SBNO1: variants seen among roughly 807,000 people sequenced by gnomAD.
SBNO1 encodes the protein protein strawberry notch homolog 1.
A neutral mutation model predicts 173.6 loss-of-function variants in SBNO1; 23 were observed. The ratio of observed to expected loss-of-function variants is 0.13; its 90% CI spans 0.10 to 0.19. SBNO1 has a LOEUF of 0.19. Ranked by LOEUF, SBNO1 falls within the 10% of genes least tolerant of loss-of-function variation. The pLI is 1.00. For synonymous variants in SBNO1, 632 were observed against 571.5 expected (o/e 1.11, Z -1.51); for missense variants, 1,238 against 1,671.2 (o/e 0.74, Z 4.52).
At chr12:123,319,187 G>A (rs1264434519) in intron 20 of SBNO1, among the ~76,000 whole-genome samples, 2 of 151,924 alleles carry the variant, frequency 1.3e-5, no homozygotes, top group Non-Finnish European at 2.9e-5. Context: ...GCCTGGTCTT[G>A]AACTCCTGAC....
intron 9 of SBNO1, 148 bp from the exon 10 acceptor site, chr12:123,329,043 G>A: frequency 1.9e-6 from 1 of 530,852 alleles, no homozygotes; most frequent in East Asian, 3.0e-5. Flanking sequence ...AAATTTATTT[G>A]TATAAATGTA....
intron 6 of SBNO1, among the ~76,000 whole-genome samples, chr12:123,334,636 A>G (rs1294900024): frequency 6.6e-6 from 1 of 152,204 alleles, no homozygotes; most frequent in Non-Finnish European, 1.5e-5. Flanking sequence ...TGAACCCAGG[A>G]GACGGAGGTT....
At chr12:123,335,661 T>C (rs147099525) in intron 6 of SBNO1, among the ~76,000 whole-genome samples, 3 of 152,298 alleles carry the variant, frequency 2.0e-5, no homozygotes, top group East Asian at 3.9e-4. Flanking sequence ...AACGCAGCCA[T>C]AGATAATAAG....
chr12:123,334,894 A>C (rs1185634507), intron 6 of SBNO1, among the ~76,000 whole-genome samples: 3 of 152,176 alleles, frequency 2.0e-5, no homozygotes, highest in Non-Finnish European at 4.4e-5. Flanking sequence ...TTTGCAATAC[A>C]ATTTTATTTT....
intron 1 of SBNO1, among the ~76,000 whole-genome samples, chr12:123,358,675 A>G (rs10773015): frequency 0.95 from 139,586 of 146,442 alleles, 66,625 homozygotes; most frequent in Non-Finnish European, 0.96. Flanking sequence ...CCCAGGAGGC[A>G]GAGCTTGCAG....
intron 29 of SBNO1, 181 bp downstream of exon 29, chr12:123,304,401 A>G (rs998520017): frequency 2.4e-5 from 11 of 467,398 alleles, no homozygotes; most frequent in Non-Finnish European, 3.9e-5. Flanking sequence ...TCCTGGGATA[A>G]TATTTTGCAT....
At chr12:123,349,760 T>C (rs1873661552) in intron 2 of SBNO1, among the ~76,000 whole-genome samples, 2 of 151,290 alleles carry the variant, frequency 1.3e-5, no homozygotes. Context: ...ACTAAAAATA[T>C]AAAAATTAGC....
chr12:123,317,136 C>A, intron 21 of SBNO1, 85 bp downstream of exon 21: 1 of 1,439,392 alleles, frequency 6.9e-7, no homozygotes, highest in South Asian at 1.2e-5. Context: ...CTGTGCCCGG[C>A]CTAAACCTAG....
At position 123,330,706 on chromosome 12, in the gene SBNO1, CAGG is replaced by C. The variant is rs373551621; in HGVS notation, c.1044-200_1044-198del. On this transcript the variant is annotated intron_variant, in intron 8 of 31. Coordinates refer to ENST00000602398, the MANE Select transcript of SBNO1 (RefSeq NM_001167856.3). ...ATCCTAGCACTTTGGGAGCCTAAGG[CAGG>C]AGGACTGCTTGAGCCCAGGAGTTCG... 7.9e-5 allele frequency among the ~76,000 whole-genome samples: 12 copies of C among 151,866 alleles called. 1 individual carries two copies. In the South Asian group the frequency reaches 2.5e-3, roughly 32 times the overall value.
At position 123,298,034 on chromosome 12, in the gene SBNO1, G is replaced by T; in HGVS notation, c.3983C>A (p.Thr1328Lys). 1 of 1,614,052 alleles carries T rather than the reference G, an allele frequency of 6.2e-7. No individual in the cohort carries two copies. The highest frequency in any genetic ancestry group is 2.2e-5 in the East Asian group (1 of 44,862). Reference protein sequence around the residue: ...VEGVLASVSGTNVKMQIVRLR... With the variant: ...VEGVLASVSGKNVKMQIVRLR... ...CCGCACGATCTGCATCTTCACGTTTGTGCCACTGACAGATGCTAGAACACC... is the reference window on the plus strand; with the variant it reads ...CCGCACGATCTGCATCTTCACGTTTTTGCCACTGACAGATGCTAGAACACC... Residue 1328 changes from threonine to lysine, a missense_variant, in exon 31 of 32, where the codon ACA (threonine) becomes AAA (lysine). This residue lies in a region of SBNO1 where 351 missense variants were observed against 420.3 expected (regional missense o/e 0.84). Coordinates refer to ENST00000602398, the MANE Select transcript of SBNO1 (RefSeq NM_001167856.3).
chr12:123,314,723 C>T (rs965968702), intron 23 of SBNO1, among the ~76,000 whole-genome samples: 4 of 151,486 alleles, frequency 2.6e-5, no homozygotes, highest in African/African-American at 7.3e-5. Context: ...CTGCAACCTC[C>T]GCCTTCCAAG....
At chr12:123,319,791 A>G in intron 20 of SBNO1, 109 bp downstream of exon 20, 1 of 896,594 alleles carries the variant, frequency 1.1e-6, no homozygotes. Flanking sequence ...ACAGAATGAC[A>G]ATACTCAATG....
chr12:123,341,216 C>G, intron 4 of SBNO1, 128 bp from the exon 5 acceptor site: 1 of 570,956 alleles, frequency 1.8e-6, no homozygotes. Flanking sequence ...TTTGGGACAC[C>G]AAGGCGGGTG....
intron 1 of SBNO1, among the ~76,000 whole-genome samples, chr12:123,362,664 G>A (rs903480367): frequency 2.7e-5 from 4 of 149,570 alleles, no homozygotes; most frequent in Non-Finnish European, 4.4e-5. Flanking sequence ...AGCTACTAGG[G>A]AGACTGAGGC....
intron 5 of SBNO1, among the ~76,000 whole-genome samples, chr12:123,336,866 T>C (rs1871907681): frequency 6.6e-6 from 1 of 152,222 alleles, no homozygotes; most frequent in Non-Finnish European, 1.5e-5. Flanking sequence ...GCAGTGTGTC[T>C]GGCTCTTCCT....
In SBNO1 at chr12:123,331,261, T is replaced by A; in HGVS notation, c.1024A>T (p.Ser342Cys). 6.2e-7 allele frequency: 1 copy of A among 1,614,044 alleles called. No homozygotes were observed. Among genetic ancestry groups the A allele is most frequent in the African/African-American group, 1.3e-5 (1 of 75,046 alleles). Residue 342 changes from serine to cysteine, a missense_variant, in exon 8 of 32, where the codon AGT becomes TGT. Physicochemically the swap from Ser to Cys is moderately radical, Grantham distance 112. This residue lies in a region of SBNO1 where 56 missense variants were observed against 65.1 expected (regional missense o/e 0.86). Transcript: ENST00000602398. ...ACTTACCACAATGCTCGTTTTCTACTCAACAAATAATTTTCATAGATGATT... is the reference window on the plus strand; with the variant it reads ...ACTTACCACAATGCTCGTTTTCTACACAACAAATAATTTTCATAGATGATT... ...AGIIYENYLL[S>C]RKRALWFSVS... is the part of the protein sequence containing the mutation.
chr12:123,358,447 C>A (rs1464370007), intron 1 of SBNO1, among the ~76,000 whole-genome samples: 3 of 152,046 alleles, frequency 2.0e-5, no homozygotes, highest in Non-Finnish European at 2.9e-5. Context: ...AATTTATAAA[C>A]CAAGGCTTAG....
rs758941708 is a variant in SBNO1 at position 123,317,347 on chromosome 12, T to G, written c.2809A>C (p.Ile937Leu). The change falls in exon 21 of 32, where the codon ATC becomes CTC. Residue 937 changes from isoleucine (I) to leucine (L), a missense_variant. This residue lies in a region of SBNO1 where 45 missense variants were observed against 85.5 expected (regional missense o/e 0.53). Coordinates refer to ENST00000602398, the MANE Select transcript of SBNO1 (RefSeq NM_001167856.3). ...RFMDGDKNIA[I>L]ISEAASSGIS... is the part of the protein sequence containing the mutation. ...CCCGAGCTGGCAGCTTCTGAGATGATAGCAATATTCTGTGTCAAATATAAG... is the reference window on the plus strand; with the variant it reads ...CCCGAGCTGGCAGCTTCTGAGATGAGAGCAATATTCTGTGTCAAATATAAG... 1 of 1,613,942 alleles carries G rather than the reference T, an allele frequency of 6.2e-7. No individual in the cohort carries two copies. Among genetic ancestry groups the G allele is most frequent in the African/African-American group, 1.3e-5 (1 of 74,924 alleles).
chr12:123,364,317 G>A, intron 1 of SBNO1: 1 of 983,578 alleles, frequency 1.0e-6, no homozygotes. Flanking sequence ...TCCCGGACCC[G>A]CAGCCCCCGG....
Sources: allele counts gnomAD v4.1 joint callset (sites outside exome capture counted in the v4.1 genomes callset), GRCh38; gene constraint gnomAD v4.1.1; regional missense constraint gnomAD v4.1.1; transcripts MANE v1.5; gene names NCBI Gene and HGNC (gene_info 2026-07-23, HGNC 2026-07-21).